The following NCK2 variants were observed in gnomAD, a reference collection of about 807,000 sequenced individuals.
NCK2 encodes NCK adaptor protein 2.
A neutral mutation model predicts 33.9 loss-of-function variants in NCK2; 16 were observed. The ratio of observed to expected loss-of-function variants is 0.47; its 90% CI spans 0.32 to 0.72. The LOEUF is 0.72. Ranked by LOEUF, NCK2 falls within the 30% of genes least tolerant of loss-of-function variation. The probability of loss-of-function intolerance (pLI) is 0.03; values close to 1 mark genes in which losing one functional copy is unlikely to be tolerated. For missense variants in NCK2, 418 were observed against 537.3 expected, an observed-to-expected ratio of 0.78 and a Z score of 2.19; for synonymous variants, 273 against 239.9, an observed-to-expected ratio of 1.14 and a Z score of -1.27.
At chr2:105,879,680 A>G (rs1236499706) in intron 3 of NCK2, among the ~76,000 whole-genome samples, 1 of 152,258 alleles carries the variant, frequency 6.6e-6, no homozygotes, top group Non-Finnish European at 1.5e-5. Flanking sequence ...GCGTGGGCAC[A>G]TGTCCCAGGG....
chr2:105,807,838 T>TCTCC (rs376845878), intron 1 of NCK2, among the ~76,000 whole-genome samples: 4 of 13,214 alleles, frequency 3.0e-4, no homozygotes, highest in Non-Finnish European at 5.1e-4. Context: ...CCCTTCTATC[T>TCTCC]CTCCCTCCCT....
intron 1 of NCK2, among the ~76,000 whole-genome samples, chr2:105,756,085 T>A (rs11692954): frequency 0.83 from 126,739 of 152,206 alleles, 52,973 homozygotes; most frequent in East Asian, 0.88. Context: ...GTCTGAATGT[T>A]CTTTTTTTCT....
At chr2:105,799,191 A>G (rs921533568) in intron 1 of NCK2, among the ~76,000 whole-genome samples, 1 of 151,458 alleles carries the variant, frequency 6.6e-6, no homozygotes, top group African/African-American at 2.4e-5. Flanking sequence ...GGTATATTTT[A>G]TCATGTAAGA....
In NCK2 at chr2:105,893,182, CCCCGGCCCCACACTCGCCT is replaced by C. The variant is rs1679067018; in HGVS notation, c.*12_*30del. ...TCGTCAGGGCCCTGCAGTGACGGCG[CCCCGGCCCCACACTCGCCT>C]CCCGGGCCCCACGGTGGAGCTGCCC... On this transcript the variant is annotated 3_prime_UTR_variant, in exon 5 of 5. Coordinates refer to ENST00000233154, the MANE Select transcript of NCK2 (RefSeq NM_003581.5). 6.3e-7 allele frequency: 1 copy of C among 1,578,966 alleles called. No individual in the cohort carries two copies. Among genetic ancestry groups the C allele is most frequent in the African/African-American group, 1.3e-5 (1 of 74,198 alleles).
At chr2:105,783,655 A>C (rs988346948) in intron 1 of NCK2, among the ~76,000 whole-genome samples, 1 of 152,154 alleles carries the variant, frequency 6.6e-6, no homozygotes. Flanking sequence ...CTTAGCACGA[A>C]GAAACCCTGT....
At chr2:105,800,350 A>G (rs1468817463) in intron 1 of NCK2, among the ~76,000 whole-genome samples, 1 of 152,194 alleles carries the variant, frequency 6.6e-6, no homozygotes, top group Admixed American at 6.5e-5. Flanking sequence ...TGATTGAGAT[A>G]GTGCATAAAG....
chr2:105,821,269 G>T (rs1675724778), intron 2 of NCK2, among the ~76,000 whole-genome samples: 1 of 152,178 alleles, frequency 6.6e-6, no homozygotes, highest in African/African-American at 2.4e-5. Flanking sequence ...TATTTAGAAA[G>T]ATTTTTTACA....
At chr2:105,835,409 G>GTGTATATATATATACTTA (rs56250020) in intron 2 of NCK2, among the ~76,000 whole-genome samples, 1 of 59,320 alleles carries the variant, frequency 1.7e-5, no homozygotes, top group African/African-American at 6.1e-5. Flanking sequence ...ATATATACGT[G>GTGTATATATATATACTTA]TATATATATA....
At chr2:105,757,731 A>G (rs1044089268) in intron 1 of NCK2, among the ~76,000 whole-genome samples, 2 of 152,198 alleles carry the variant, frequency 1.3e-5, no homozygotes, top group African/African-American at 4.8e-5. Context: ...AACTTTCGCC[A>G]TCTCTGGGTG....
intron 2 of NCK2, among the ~76,000 whole-genome samples, chr2:105,822,190 C>T (rs1208326692): frequency 6.6e-6 from 1 of 151,450 alleles, no homozygotes; most frequent in African/African-American, 2.4e-5. Context: ...TCTTTGGAAA[C>T]GTAAGGGTGT....
At chr2:105,819,114 C>A (rs576117835) in intron 2 of NCK2, among the ~76,000 whole-genome samples, 109 of 152,158 alleles carry the variant, frequency 7.2e-4, no homozygotes, top group African/African-American at 2.4e-3. Context: ...GGTCGGCAGT[C>A]GGGGGTTGGC....
chr2:105,826,152 A>G (rs1267133918), intron 2 of NCK2, among the ~76,000 whole-genome samples: 1 of 152,198 alleles, frequency 6.6e-6, no homozygotes, highest in African/African-American at 2.4e-5. Flanking sequence ...AAACTTAATC[A>G]TGGCAGAAGA....
chr2:105,758,181 T>G (rs1261871972), intron 1 of NCK2, among the ~76,000 whole-genome samples: 2 of 152,170 alleles, frequency 1.3e-5, no homozygotes, highest in African/African-American at 4.8e-5. Context: ...TAATACTTCC[T>G]TATTTTTTTT....
At chr2:105,745,335 C>G (rs893632003) in intron 1 of NCK2, among the ~76,000 whole-genome samples, 197 bp downstream of exon 1, 3 of 151,716 alleles carry the variant, frequency 2.0e-5, no homozygotes, top group Admixed American at 6.6e-5. Flanking sequence ...GGGCACCTCC[C>G]GGCTCTGCAC....
chr2:105,865,604 C>T (rs1415762240), intron 3 of NCK2, among the ~76,000 whole-genome samples: 3 of 152,170 alleles, frequency 2.0e-5, no homozygotes, highest in African/African-American at 7.2e-5. Flanking sequence ...TAGGGATTCA[C>T]GTCTTTGTAA....
chr2:105,775,493 A>G (rs1690270232), intron 1 of NCK2, among the ~76,000 whole-genome samples: 1 of 151,788 alleles, frequency 6.6e-6, no homozygotes, highest in Admixed American at 6.6e-5. Flanking sequence ...TGACTTGCTT[A>G]TTTTTTTCAG....
At chr2:105,856,353 AT>A (rs1677271711) in intron 3 of NCK2, among the ~76,000 whole-genome samples, 1 of 152,368 alleles carries the variant, frequency 6.6e-6, no homozygotes, top group East Asian at 1.9e-4. Flanking sequence ...TCTTATGAGT[AT>A]AATGTTGTCT....
chr2:105,872,511 C>T (rs1448056538), intron 3 of NCK2, among the ~76,000 whole-genome samples: 1 of 152,142 alleles, frequency 6.6e-6, no homozygotes, highest in East Asian at 1.9e-4. Flanking sequence ...CGATTGTCAC[C>T]GTTGGTCATC....
At chr2:105,883,755 G>C (rs1434973822) in intron 4 of NCK2, among the ~76,000 whole-genome samples, 1 of 152,188 alleles carries the variant, frequency 6.6e-6, no homozygotes, top group Non-Finnish European at 1.5e-5. Flanking sequence ...TATTGTTAGA[G>C]AATGAGCTAA....
Sources: gnomAD v4.1 joint callset for allele counts (sites outside exome capture counted in the v4.1 genomes callset) on GRCh38, gnomAD v4.1.1 for gene constraint, MANE v1.5 for transcripts, NCBI Gene and HGNC (gene_info 2026-07-23, HGNC 2026-07-21) for gene names.